The following TOR1AIP2 variants were observed in gnomAD, a reference collection of about 807,000 sequenced individuals.
TOR1AIP2 encodes torsin 1A interacting protein 2, also known as torsin-1A-interacting protein 2.
Under a neutral mutation model 32.6 loss-of-function variants are expected in TOR1AIP2, and 20 were observed. The ratio of observed to expected loss-of-function variants is 0.61; its 90% confidence interval spans 0.43 to 0.89. The LOEUF is 0.89. Ranked by LOEUF, TOR1AIP2 falls within the 40% of genes least tolerant of loss-of-function variation. The pLI, the probability that TOR1AIP2 is intolerant of heterozygous loss-of-function variation, is 0.00. For missense variants in TOR1AIP2, 456 were observed against 553.8 expected, an observed-to-expected ratio of 0.82 and a Z score of 1.77; for synonymous variants, 214 against 210.8, an observed-to-expected ratio of 1.02 and a Z score of -0.13.
intron 5 of TOR1AIP2, 37 bp from the exon 6 acceptor site, chr1:179,847,673 T>C: frequency 8.3e-6 from 11 of 1,328,990 alleles, no homozygotes; most frequent in Non-Finnish European, 1.1e-5. Context: ...TTTTAGGCAG[T>C]ACACTAATGA....
intron 3 of TOR1AIP2, chr1:179,863,656 C>G (rs1696644270): frequency 1.0e-6 from 1 of 953,918 alleles, no homozygotes. Context: ...CAGCAAGACT[C>G]TGTCACTATT....
Position 179,855,048 on chromosome 1 carries a change from G to A in TOR1AIP2, c.-146-2237C>T, listed in dbSNP as rs1326830320. Among the ~76,000 whole-genome samples the A allele has an allele frequency of 5.3e-5, 8 of 152,278 alleles. 1 individual carries two copies. In the South Asian group the frequency reaches 1.4e-3, roughly 28 times the overall value. ...GTGAATAAATAGCGTGGGGACAACT[G>A]ACTATTCAAATAGGGGGAAAAATTA... On this transcript the variant is annotated intron_variant, in intron 3 of 6. Coordinates refer to ENST00000609928, the MANE Select transcript of TOR1AIP2 (RefSeq NM_001199260.2).
At chr1:179,848,176 G>A (rs961916117) in intron 5 of TOR1AIP2, among the ~76,000 whole-genome samples, 4 of 151,760 alleles carry the variant, frequency 2.6e-5, no homozygotes, top group Non-Finnish European at 5.9e-5. Flanking sequence ...ATTCCTTACT[G>A]CCTCTTATAT....
chr1:179,847,537 T>G lies in TOR1AIP2; in HGVS notation c.653A>C (p.Tyr218Ser). ...AGTAAAACCAGGTTTGTTCTCACCA[T>G]AGCTCCAAAAACCCTTTTTATTAAT... The part of the protein sequence containing the change: ...RQINKKGFWS[Y>S]GPVILVVLVV... Residue 218 changes from tyrosine (Y) to serine (S), a missense_variant and splice_region_variant, in exon 6 of 7, where the codon TAT (tyrosine) becomes TCT (serine). Coordinates refer to ENST00000609928, the MANE Select transcript of TOR1AIP2 (RefSeq NM_001199260.2). The G allele has an allele frequency of 6.2e-7, 1 of 1,610,466 alleles. No homozygotes were observed. The highest frequency in any genetic ancestry group is 1.3e-5 in the African/African-American group (1 of 75,002).
rs966118687 is a variant in TOR1AIP2 at position 179,845,657 on chromosome 1, A to C, written c.*414T>G. On this transcript the variant is annotated 3_prime_UTR_variant, in exon 7 of 7. Transcript: ENST00000609928. ...ATTTTCTAAAGGTTATCATTGCTTC[A>C]TAATTCTAATTGCTTTAGTCCAAGT... 1 of 155,638 alleles carries C rather than the reference A, an allele frequency of 6.4e-6. No homozygotes were observed. The highest frequency in any genetic ancestry group is 2.4e-5 in the African/African-American group (1 of 41,574). The allele number at this position is 155,638 out of a possible 1,614,324, so 9.6% of individuals were successfully genotyped here. A position where few individuals can be genotyped will look rare whatever the true frequency, so the allele number is the denominator to read the frequency against.
At chr1:179,875,847 T>C (rs1397819207) in intron 2 of TOR1AIP2, 8 of 152,226 alleles carry the variant, frequency 5.3e-5, no homozygotes, top group Non-Finnish European at 1.2e-4. Context: ...GGGACACGCT[T>C]CCTTATTCCC....
At chr1:179,865,225 C>G (rs1401244738) in intron 3 of TOR1AIP2, 2 of 1,541,578 alleles carry the variant, frequency 1.3e-6, no homozygotes, top group South Asian at 2.6e-5. Flanking sequence ...CAAGAGACAA[C>G]AGTGACAGAG....
intron 3 of TOR1AIP2, chr1:179,860,137 C>G: frequency 1.0e-6 from 1 of 985,402 alleles, no homozygotes; most frequent in Non-Finnish European, 1.2e-6. Flanking sequence ...GAGCCACCAG[C>G]CAATAAGTTT....
At chr1:179,869,109 T>C (rs1314885081) in intron 2 of TOR1AIP2, 1 of 152,270 alleles carries the variant, frequency 6.6e-6, no homozygotes, top group Non-Finnish European at 1.5e-5. Context: ...CCCAAAGTGC[T>C]GGTATTATAG....
rs1212109576 is a variant in TOR1AIP2, at chr1:179,877,757, C to T, written c.-765G>A. ...CAGGAGAGCCCTTCGAGTATTCTCT[C>T]CGCTCCACACCGCTCGGCTGCACCC... On this transcript the variant is annotated 5_prime_UTR_variant, in exon 1 of 7. Transcript: ENST00000609928. The T allele has an allele frequency of 1.3e-5, 2 of 152,180 alleles. No individual in the cohort carries two copies. The highest frequency in any genetic ancestry group is 4.8e-5 in the African/African-American group (2 of 41,434). 9.4% of individuals were successfully genotyped at this position (152,180 alleles called of 1,614,324 possible).
At chr1:179,852,044 G>A (rs1257561271) in intron 4 of TOR1AIP2, among the ~76,000 whole-genome samples, 1 of 152,176 alleles carries the variant, frequency 6.6e-6, no homozygotes, top group African/African-American at 2.4e-5. Context: ...ACTTTGGGAG[G>A]CCAAGGCAGG....
At chr1:179,861,618 G>A (rs1319817997) in intron 3 of TOR1AIP2, 8 of 985,408 alleles carry the variant, frequency 8.1e-6, no homozygotes, top group Non-Finnish European at 9.6e-6. Flanking sequence ...TAATTAATGA[G>A]AAAAATGTGG....
At chr1:179,857,579 C>T (rs970563156) in intron 3 of TOR1AIP2, among the ~76,000 whole-genome samples, 2 of 152,246 alleles carry the variant, frequency 1.3e-5, no homozygotes, top group Non-Finnish European at 2.9e-5. Context: ...TTCATCTCAC[C>T]GTAAAATGGT....
At chr1:179,868,296 A>G (rs564759329) in intron 2 of TOR1AIP2, 12 of 152,278 alleles carry the variant, frequency 7.9e-5, no homozygotes, top group African/African-American at 2.4e-4. Flanking sequence ...CCATTTTGCT[A>G]TATTATTTAT....
rs776890316 is a variant in TOR1AIP2, at chr1:179,846,196, C to CA, written c.1287dup (p.Asp430Ter). On this transcript the variant is annotated frameshift_variant, in exon 7 of 7. Transcript: ENST00000609928. LOFTEE classifies it high-confidence loss of function. ...ATGTGGTTGAAGGAGGTGGGAGTGT[C>CA]AGAGTTGGTAAACTTGGCCCAGAGT... 1 of 1,614,062 alleles carries CA rather than the reference C, an allele frequency of 6.2e-7. No homozygotes were observed. The highest frequency in any genetic ancestry group is 8.5e-7 in the Non-Finnish European group (1 of 1,180,060).
At chr1:179,855,351 CAT>C (rs1417622432) in intron 3 of TOR1AIP2, among the ~76,000 whole-genome samples, 4 of 152,134 alleles carry the variant, frequency 2.6e-5, no homozygotes, top group East Asian at 1.9e-4. Context: ...ATTGAGAACA[CAT>C]AAAGAATTCC....
chr1:179,860,003 A>T (rs1283805527), intron 3 of TOR1AIP2: 8 of 629,702 alleles, frequency 1.3e-5, no homozygotes, highest in African/African-American at 2.0e-5. Context: ...CATCCAGCTA[A>T]TTTTTTTCTT....
intron 5 of TOR1AIP2, among the ~76,000 whole-genome samples, chr1:179,849,812 T>C (rs543961346): frequency 6.6e-6 from 1 of 152,366 alleles, no homozygotes; most frequent in African/African-American, 2.4e-5. Context: ...ATTCATTCAT[T>C]TGACAAAATT....
Position 179,851,334 on chromosome 1 carries a change from A to G in TOR1AIP2, c.64T>C (p.Ser22Pro). 1 of 1,575,852 alleles carries G rather than the reference A, an allele frequency of 6.3e-7. No homozygotes were observed. The highest frequency in any genetic ancestry group is 1.1e-5 in the South Asian group (1 of 87,016). The change falls in exon 5 of 7, where the codon TCA becomes CCA. Residue 22 changes from serine (S) to proline (P), a missense_variant. Physicochemically the swap from Ser to Pro is moderately conservative, Grantham distance 74. Transcript: ENST00000609928. The stretch of plus-strand genomic sequence containing the variant: ...GTCTCCTGCGCCTGAGAATTTACTG[A>G]TGGATCATTTTCCAAATCCTTTTGA... ...DSQKDLENDP[S>P]VNSQAQETTI... is the part of the protein sequence containing the mutation.
Sources: gnomAD v4.1 joint callset for allele counts (sites outside exome capture counted in the v4.1 genomes callset) on GRCh38, gnomAD v4.1.1 for gene constraint, MANE v1.5 for transcripts, NCBI Gene and HGNC (gene_info 2026-07-23, HGNC 2026-07-21) for gene names.